Variants in BOLL observed in about 807,000 individuals in gnomAD.
The protein encoded by BOLL is boule RNA binding protein, also known as protein boule-like.
A neutral mutation model predicts 44.4 loss-of-function variants in BOLL; 23 were observed. The observed-to-expected ratio is 0.52, with a 90% CI of 0.37 to 0.73. The LOEUF (loss-of-function observed/expected upper bound fraction) is 0.73, where lower values mean the gene tolerates loss of function less well. Ranked by LOEUF, BOLL falls within the 30% of genes least tolerant of loss-of-function variation. The pLI is 0.00. For missense variants in BOLL, 287 were observed against 338.3 expected (o/e 0.85, Z 1.19); for synonymous variants, 97 against 110.8 (o/e 0.88, Z 0.78).
chr2:197,753,693 G>A (rs1688371067), intron 9 of BOLL, among the ~76,000 whole-genome samples: 1 of 152,180 alleles, frequency 6.6e-6, no homozygotes, highest in Admixed American at 6.5e-5. Flanking sequence ...TGGTGGGAGT[G>A]TAAATTAATT....
intron 6 of BOLL, among the ~76,000 whole-genome samples, chr2:197,770,635 TAAAC>T (rs1212158263): frequency 3.3e-5 from 5 of 151,972 alleles, no homozygotes; most frequent in Non-Finnish European, 7.4e-5. Context: ...ACTAAGAACT[TAAAC>T]AAACTTACAA....
chr2:197,784,622 T>G (rs1574876913), intron 1 of BOLL: 1 of 689,822 alleles, frequency 1.4e-6, no homozygotes, highest in Non-Finnish European at 1.8e-6. Flanking sequence ...TAGAGATGGG[T>G]TTTCACCATT....
At chr2:197,772,432 G>A (rs1353570924) in intron 5 of BOLL, among the ~76,000 whole-genome samples, 1 of 152,008 alleles carries the variant, frequency 6.6e-6, no homozygotes, top group Non-Finnish European at 1.5e-5. Context: ...AGATGATGGA[G>A]GCAGTAAAGT....
At chr2:197,785,896 T>A, upstream of BOLL, 1 of 1,151,324 alleles carries the variant, frequency 8.7e-7, no homozygotes, top group Non-Finnish European at 1.3e-6. The surrounding 1 kb of genome is among the most constrained non-coding windows in gnomAD (Gnocchi z 6.7). Context: ...GGCCTTCACC[T>A]CGCCCCTCCA....
intron 10 of BOLL, among the ~76,000 whole-genome samples, chr2:197,734,819 G>A (rs947707358): frequency 6.6e-6 from 1 of 152,070 alleles, no homozygotes; most frequent in Non-Finnish European, 1.5e-5. Flanking sequence ...CGGGTGGAGC[G>A]GGGAGGGATA....
At chr2:197,785,831 G>C (rs529954672), upstream of BOLL, 1,286 of 740,508 alleles carry the variant, frequency 1.7e-3, 4 homozygotes, top group Non-Finnish European at 2.7e-3. The surrounding 1 kb of genome is among the most constrained non-coding windows in gnomAD (Gnocchi z 6.7). Context: ...GCTCCTGGCA[G>C]CGGTCGATGG....
chr2:197,775,986 G>T (rs1030342399), intron 4 of BOLL, among the ~76,000 whole-genome samples: 3 of 151,774 alleles, frequency 2.0e-5, no homozygotes, highest in African/African-American at 4.8e-5. Context: ...TTGTGAATTT[G>T]CCTACTTGCT....
intron 4 of BOLL, among the ~76,000 whole-genome samples, chr2:197,776,283 G>A (rs909497047): frequency 2.0e-5 from 3 of 151,792 alleles, no homozygotes; most frequent in Admixed American, 6.6e-5. Context: ...GACTGTCATA[G>A]GCATTATGGA....
At chr2:197,743,381 A>T (rs1369438992) in intron 9 of BOLL, among the ~76,000 whole-genome samples, 1 of 152,256 alleles carries the variant, frequency 6.6e-6, no homozygotes, top group Non-Finnish European at 1.5e-5. Context: ...AGTCAGAATG[A>T]TCATAAATCC....
At chr2:197,775,043 G>T (rs969259213) in intron 5 of BOLL, among the ~76,000 whole-genome samples, 1 of 151,804 alleles carries the variant, frequency 6.6e-6, no homozygotes, top group African/African-American at 2.4e-5. Flanking sequence ...GCCAAAGACT[G>T]TTAGGAATTT....
intron 8 of BOLL, among the ~76,000 whole-genome samples, chr2:197,756,902 G>T (rs1688540850): frequency 6.6e-6 from 1 of 152,072 alleles, no homozygotes; most frequent in South Asian, 2.1e-4. Flanking sequence ...TCTACTCTCA[G>T]CTCTGTGACT....
chr2:197,747,359 T>A (rs1688033902), intron 9 of BOLL, among the ~76,000 whole-genome samples: 1 of 151,776 alleles, frequency 6.6e-6, no homozygotes, highest in African/African-American at 2.4e-5. Flanking sequence ...CGAGGCAGGC[T>A]GATTACGAGG....
In BOLL at chr2:197,728,314, G is replaced by C; in HGVS notation, c.*241C>G. On this transcript the variant is annotated 3_prime_UTR_variant, in exon 11 of 11. Transcript: ENST00000392296. ...GTTGTAGAAAAGGTCATTACAGTTA[G>C]GTTAGCACATAAAAAACCAACATGC... The C allele has an allele frequency of 1.7e-6, 1 of 591,442 alleles. No individual in the cohort carries two copies. Among genetic ancestry groups the C allele is most frequent in the Non-Finnish European group, 3.0e-6 (1 of 334,262 alleles). 36.6% of individuals were successfully genotyped at this position (591,442 alleles called of 1,614,324 possible).
At chr2:197,774,458 A>G (rs1269681393) in intron 5 of BOLL, 1 of 152,388 alleles carries the variant, frequency 6.6e-6, no homozygotes, top group Non-Finnish European at 1.5e-5. Context: ...AGAGATAACA[A>G]TACATCATGG....
At chr2:197,755,481 A>G (rs540227398) in intron 9 of BOLL, among the ~76,000 whole-genome samples, 1 of 152,344 alleles carries the variant, frequency 6.6e-6, no homozygotes, top group African/African-American at 2.4e-5. Flanking sequence ...TAGCAAAGAC[A>G]TGGAATCAAC....
At chr2:197,771,683 C>G (rs765905515) in intron 6 of BOLL, among the ~76,000 whole-genome samples, 172 bp downstream of exon 6, 12 of 151,922 alleles carry the variant, frequency 7.9e-5, no homozygotes, top group Non-Finnish European at 1.6e-4. Context: ...TCTTACTTTA[C>G]TCCCCATTTT....
At chr2:197,770,655 A>T (rs1689203273) in intron 6 of BOLL, among the ~76,000 whole-genome samples, 1 of 152,178 alleles carries the variant, frequency 6.6e-6, no homozygotes, top group South Asian at 2.1e-4. Flanking sequence ...TACAAGAAAA[A>T]AATCAAACAA....
chr2:197,731,416 G>A (rs1262954366), intron 10 of BOLL, among the ~76,000 whole-genome samples: 1 of 146,116 alleles, frequency 6.8e-6, no homozygotes, highest in Non-Finnish European at 1.5e-5. Flanking sequence ...GAGACAGAAA[G>A]TCAACAAGGA....
intron 3 of BOLL, among the ~76,000 whole-genome samples, 186 bp downstream of exon 3, chr2:197,778,789 T>C (rs1366256911): frequency 6.7e-6 from 1 of 149,808 alleles, no homozygotes; most frequent in Admixed American, 6.6e-5. Flanking sequence ...TATTACAGTG[T>C]CTCCTCCCTC....
Sources: gnomAD v4.1 joint callset for allele counts (sites outside exome capture counted in the v4.1 genomes callset) on GRCh38, gnomAD v4.1.1 for gene constraint, Gnocchi (gnomAD v3.1) non-coding constraint, MANE v1.5 for transcripts, NCBI Gene and HGNC (gene_info 2026-07-23, HGNC 2026-07-21) for gene names.